The following SORCS3 variants were observed in gnomAD, a reference collection of about 807,000 sequenced individuals.
SORCS3 encodes the protein VPS10 domain-containing receptor SorCS3.
A neutral mutation model predicts 146.3 loss-of-function variants in SORCS3; 57 were observed. The ratio of observed to expected loss-of-function variants is 0.39; its 90% CI spans 0.31 to 0.49. The LOEUF (loss-of-function observed/expected upper bound fraction) is 0.49, where lower values mean the gene tolerates loss of function less well. Among genes scored for constraint, SORCS3 ranks in the 20% least tolerant of loss-of-function variants. The probability of loss-of-function intolerance (pLI) is 0.92; values close to 1 mark genes in which losing one functional copy is unlikely to be tolerated. For synonymous variants in SORCS3, 653 were observed against 618.5 expected (o/e 1.06, Z -0.83); for missense variants, 1,341 against 1,575.5 (o/e 0.85, Z 2.52).
intron 1 of SORCS3, among the ~76,000 whole-genome samples, chr10:104,706,348 A>G (rs1344381442): frequency 1.3e-5 from 2 of 151,252 alleles, no homozygotes; most frequent in Non-Finnish European, 2.9e-5. Flanking sequence ...GCTGGGGACT[A>G]CAGGCGTGCA....
At chr10:105,000,375 A>C (rs2055053858) in intron 4 of SORCS3, among the ~76,000 whole-genome samples, 1 of 151,744 alleles carries the variant, frequency 6.6e-6, no homozygotes, top group South Asian at 2.1e-4. Flanking sequence ...TGTGTTTTAA[A>C]TATTAGCCCA....
chr10:104,797,401 C>T (rs1317271382), intron 1 of SORCS3, among the ~76,000 whole-genome samples: 1 of 152,126 alleles, frequency 6.6e-6, no homozygotes, highest in African/African-American at 2.4e-5. Flanking sequence ...ATAGGAGCCA[C>T]ATTTGCCATT....
intron 2 of SORCS3, among the ~76,000 whole-genome samples, chr10:104,878,591 A>G (rs938567881): frequency 3.3e-5 from 5 of 152,232 alleles, no homozygotes; most frequent in African/African-American, 9.6e-5. Flanking sequence ...AAAAAGCAGA[A>G]TCTCCCAATT....
At chr10:105,071,497 C>T (rs1210643492) in intron 5 of SORCS3, among the ~76,000 whole-genome samples, 1 of 152,222 alleles carries the variant, frequency 6.6e-6, no homozygotes. Context: ...CAATTAAATG[C>T]TCACAAAGCT....
chr10:104,832,170 C>G (rs1429500153), intron 1 of SORCS3, among the ~76,000 whole-genome samples: 1 of 152,194 alleles, frequency 6.6e-6, no homozygotes, highest in Non-Finnish European at 1.5e-5. Context: ...GCCTTTACCA[C>G]TGTAGTCTTC....
chr10:104,717,446 C>T (rs950936181), intron 1 of SORCS3, among the ~76,000 whole-genome samples: 11 of 152,112 alleles, frequency 7.2e-5, no homozygotes, highest in East Asian at 3.9e-4. Flanking sequence ...TTTCCAGTCC[C>T]GGACACCTAG....
intron 20 of SORCS3, among the ~76,000 whole-genome samples, chr10:105,231,448 GCAAT>G (rs1344135115): frequency 6.6e-6 from 1 of 152,134 alleles, no homozygotes; most frequent in Admixed American, 6.5e-5. Context: ...GCCTACATAA[GCAAT>G]CATATCATCT....
At chr10:105,064,116 G>T (rs1564745689) in intron 5 of SORCS3, among the ~76,000 whole-genome samples, 1 of 152,204 alleles carries the variant, frequency 6.6e-6, no homozygotes, top group Admixed American at 6.5e-5. Flanking sequence ...AACAATGGTG[G>T]GTGAAACAGA....
At chr10:105,159,192 C>T (rs1564770379) in intron 11 of SORCS3, among the ~76,000 whole-genome samples, 198 bp downstream of exon 11, 1 of 152,098 alleles carries the variant, frequency 6.6e-6, no homozygotes, top group Non-Finnish European at 1.5e-5. Context: ...TTCCTAGGCT[C>T]ATGCATCTTC....
intron 7 of SORCS3, among the ~76,000 whole-genome samples, chr10:105,137,604 A>G (rs1190544584): frequency 6.6e-6 from 1 of 152,136 alleles, no homozygotes; most frequent in Non-Finnish European, 1.5e-5. Flanking sequence ...AGGTCTATGC[A>G]AATTGTTGTT....
At chr10:105,054,570 C>CTT (rs367989644) in intron 5 of SORCS3, among the ~76,000 whole-genome samples, 12 of 143,470 alleles carry the variant, frequency 8.4e-5, no homozygotes, top group South Asian at 6.7e-4. Flanking sequence ...TATAGGATTT[C>CTT]TTTTTTTTTT....
At chr10:104,887,147 CCTT>C (rs756477980) in intron 2 of SORCS3, among the ~76,000 whole-genome samples, 2 of 152,130 alleles carry the variant, frequency 1.3e-5, no homozygotes, top group Non-Finnish European at 2.9e-5. Context: ...AAATTTAAAA[CCTT>C]CTGTGAACAC....
intron 2 of SORCS3, among the ~76,000 whole-genome samples, chr10:104,868,960 G>A (rs1340361001): frequency 1.3e-5 from 2 of 151,988 alleles, no homozygotes; most frequent in East Asian, 3.9e-4. Context: ...CTATATCAGT[G>A]CTCTCTTCAC....
intron 1 of SORCS3, among the ~76,000 whole-genome samples, chr10:104,838,963 T>G (rs1214857791): frequency 6.6e-6 from 1 of 152,168 alleles, no homozygotes; most frequent in Non-Finnish European, 1.5e-5. Context: ...GGTCAGACAT[T>G]GCCAAGGCTT....
At chr10:104,812,664 C>A (rs931289799) in intron 1 of SORCS3, among the ~76,000 whole-genome samples, 1 of 152,080 alleles carries the variant, frequency 6.6e-6, no homozygotes, top group Admixed American at 6.6e-5. Flanking sequence ...CCATTGGAAC[C>A]AGGTTTTACT....
intron 5 of SORCS3, among the ~76,000 whole-genome samples, chr10:105,084,809 C>T (rs2055648679): frequency 6.6e-6 from 1 of 151,550 alleles, no homozygotes; most frequent in Non-Finnish European, 1.5e-5. Context: ...CGGCTCACTA[C>T]AAGCTCCACC....
chr10:104,787,955 C>G (rs2017457141), intron 1 of SORCS3, among the ~76,000 whole-genome samples: 1 of 152,188 alleles, frequency 6.6e-6, no homozygotes, highest in Non-Finnish European at 1.5e-5. Context: ...GTCGACATCT[C>G]AAATTGAGAA....
chr10:104,770,227 A>G (rs2017230925), intron 1 of SORCS3, among the ~76,000 whole-genome samples: 1 of 152,032 alleles, frequency 6.6e-6, no homozygotes, highest in African/African-American at 2.4e-5. Flanking sequence ...TGTCCACTGT[A>G]CCCCTCAGTG....
intron 1 of SORCS3, among the ~76,000 whole-genome samples, chr10:104,770,389 A>C (rs1179519520): frequency 6.6e-6 from 1 of 152,204 alleles, no homozygotes; most frequent in African/African-American, 2.4e-5. Flanking sequence ...GAGGCCACAG[A>C]AGCAGTTCCA....
Sources: gnomAD v4.1 joint callset for allele counts (sites outside exome capture counted in the v4.1 genomes callset) on GRCh38, gnomAD v4.1.1 for gene constraint, MANE v1.5 for transcripts, NCBI Gene and HGNC (gene_info 2026-07-23, HGNC 2026-07-21) for gene names.